The following CAPZA2 variants were observed in gnomAD, a reference collection of about 807,000 sequenced individuals.
The protein encoded by CAPZA2 is F-actin-capping protein subunit alpha-2.
CAPZA2 carries 13 observed loss-of-function variants against 44.0 expected under a neutral mutation model. The ratio of observed to expected loss-of-function variants is 0.30; its 90% CI spans 0.19 to 0.47. The LOEUF is 0.47. CAPZA2 is among the 20% of genes least tolerant of loss of function. The pLI, the probability that CAPZA2 is intolerant of heterozygous loss-of-function variation, is 1.00. For missense variants in CAPZA2, 244 were observed against 338.6 expected (o/e 0.72, Z 2.19); for synonymous variants, 94 against 108.2 (o/e 0.87, Z 0.81).
In CAPZA2 at chr7:116,918,677, T is replaced by A. The variant is rs1263724959; in HGVS notation, c.*810T>A. On this transcript the variant is annotated 3_prime_UTR_variant, in exon 10 of 10. Coordinates refer to ENST00000361183, the MANE Select transcript of CAPZA2 (RefSeq NM_006136.3). ...ACCATGTCTCGGTTTATTTTTTTTTTCTTGGATTGAAAAGTACTGAAATTC... is the reference window on the plus strand; with the variant it reads ...ACCATGTCTCGGTTTATTTTTTTTTACTTGGATTGAAAAGTACTGAAATTC... 1 of 152,406 alleles carries A rather than the reference T, an allele frequency of 6.6e-6. No homozygotes were observed. Among genetic ancestry groups the A allele is most frequent in the Non-Finnish European group, 1.5e-5 (1 of 68,022 alleles). The allele number at this position is 152,406 out of a possible 1,614,324, so 9.4% of individuals were successfully genotyped here. A position where few individuals can be genotyped will look rare whatever the true frequency, so the allele number is the denominator to read the frequency against.
rs377688521 is a variant in CAPZA2, at chr7:116,888,108, A to G, written c.40-19A>G. The G allele has an allele frequency of 1.3e-6, 2 of 1,580,306 alleles. No individual in the cohort carries two copies. The highest frequency in any genetic ancestry group is 2.7e-5 in the African/African-American group (2 of 74,202). ...GAAGCCTGTGATATGGAACATTTAT[A>G]TCTTTCTTTCTGTTTCAGGTGCGTA... On this transcript the variant is annotated intron_variant, in intron 1 of 9. Transcript: ENST00000361183.
chr7:116,909,507 C>A lies in CAPZA2; in HGVS notation c.507-726C>A, dbSNP rs566667329. 3.3e-5 allele frequency among the ~76,000 whole-genome samples: 5 copies of A among 151,550 alleles called. No individual in the cohort carries two copies. In the East Asian group the frequency reaches 9.7e-4, roughly 29 times the overall value. The stretch of plus-strand genomic sequence containing the variant: ...CAAACCATGAATATGTATTTGTATA[C>A]CAAAAATCATTTCAGGAGCAGAGAA... On this transcript the variant is annotated intron_variant, in intron 6 of 9. Transcript: ENST00000361183.
intron 2 of CAPZA2, 42 bp from the exon 3 acceptor site, chr7:116,892,952 A>G: frequency 7.2e-7 from 1 of 1,397,350 alleles, no homozygotes; most frequent in East Asian, 2.3e-5. Flanking sequence ...CATTCTTGAA[A>G]CATATAACAA....
chr7:116,889,446 G>T (rs1796803054), intron 2 of CAPZA2, among the ~76,000 whole-genome samples: 1 of 151,702 alleles, frequency 6.6e-6, no homozygotes, highest in Admixed American at 6.6e-5. Flanking sequence ...ATAGGACTGG[G>T]CACTGTGGCT....
chr7:116,884,971 A>G (rs549967477), intron 1 of CAPZA2, among the ~76,000 whole-genome samples: 16 of 152,260 alleles, frequency 1.1e-4, no homozygotes, highest in East Asian at 3.9e-4. Flanking sequence ...CGTGATTTCA[A>G]TATTCATTTC....
chr7:116,863,102 G>T (rs955073295), intron 1 of CAPZA2, among the ~76,000 whole-genome samples: 1 of 152,194 alleles, frequency 6.6e-6, no homozygotes, highest in Non-Finnish European at 1.5e-5. Flanking sequence ...GTGTAGCGGC[G>T]GGTGAGGGGA....
At chr7:116,879,469 G>A (rs1004981928) in intron 1 of CAPZA2, among the ~76,000 whole-genome samples, 2 of 152,180 alleles carry the variant, frequency 1.3e-5, no homozygotes, top group Admixed American at 1.3e-4. Flanking sequence ...TTCCACAGGG[G>A]ATAGCGGGGT....
chr7:116,914,474 T>C (rs1417690079), intron 8 of CAPZA2, among the ~76,000 whole-genome samples: 1 of 142,968 alleles, frequency 7.0e-6, no homozygotes, highest in East Asian at 2.1e-4. Flanking sequence ...CACACACGTA[T>C]TTTTTTGAGA....
Position 116,892,978 on chromosome 7 carries a change from C to T in CAPZA2, c.104-16C>T, listed in dbSNP as rs778897327. On this transcript the variant is annotated splice_polypyrimidine_tract_variant and intron_variant, in intron 2 of 9. Transcript: ENST00000361183. ...CATATAACAATAATAATGTAGATAA[C>T]ATAATTGTTTTGCAGATGTTCGGTT... The T allele has an allele frequency of 1.9e-6, 3 of 1,563,386 alleles. No homozygotes were observed. The highest frequency in any genetic ancestry group is 1.1e-5 in the South Asian group (1 of 87,790).
At chr7:116,911,500 T>C (rs959951738) in intron 7 of CAPZA2, among the ~76,000 whole-genome samples, 1 of 152,174 alleles carries the variant, frequency 6.6e-6, no homozygotes, top group African/African-American at 2.4e-5. Context: ...TCTAGTCCTC[T>C]CTGAAATATA....
At chr7:116,903,462 G>GT (rs972118286) in intron 4 of CAPZA2, among the ~76,000 whole-genome samples, 2 of 152,112 alleles carry the variant, frequency 1.3e-5, no homozygotes, top group African/African-American at 4.8e-5. Context: ...TATATCCTGT[G>GT]TTGTTAGCAT....
At chr7:116,874,094 ATCAC>A in intron 1 of CAPZA2, 1 of 153,560 alleles carries the variant, frequency 6.5e-6, no homozygotes, top group East Asian at 1.9e-4. Context: ...TTTCTGAGAT[ATCAC>A]TCAAGGCCAA....
At chr7:116,884,328 T>G (rs1796734917) in intron 1 of CAPZA2, among the ~76,000 whole-genome samples, 2 of 152,114 alleles carry the variant, frequency 1.3e-5, no homozygotes, top group Non-Finnish European at 2.9e-5. Flanking sequence ...ACTACCAAAA[T>G]CTAGATACAT....
chr7:116,893,130 G>T (rs542321922), intron 3 of CAPZA2, 85 bp downstream of exon 3: 141 of 878,094 alleles, frequency 1.6e-4, no homozygotes, highest in Non-Finnish European at 2.3e-4. Flanking sequence ...GTTTTTTGTG[G>T]GTTTTTTTGT....
At chr7:116,875,212 G>A (rs996590761) in intron 1 of CAPZA2, 1 of 149,972 alleles carries the variant, frequency 6.7e-6, no homozygotes, top group African/African-American at 2.5e-5. Flanking sequence ...TCAGAGTCTT[G>A]TAGGGATTCC....
intron 1 of CAPZA2, among the ~76,000 whole-genome samples, chr7:116,870,889 T>G (rs968842764): frequency 6.6e-6 from 1 of 152,152 alleles, no homozygotes; most frequent in Non-Finnish European, 1.5e-5. Context: ...GTACCACTAG[T>G]AACAACTGGA....
At chr7:116,906,368 G>T in intron 6 of CAPZA2, 26 bp downstream of exon 6, 1 of 1,608,544 alleles carries the variant, frequency 6.2e-7, no homozygotes. Flanking sequence ...GGATATTGGG[G>T]AGTTTTGGCA....
intron 4 of CAPZA2, among the ~76,000 whole-genome samples, chr7:116,901,638 C>G (rs1796995541): frequency 6.6e-6 from 1 of 152,070 alleles, no homozygotes. Flanking sequence ...AATAAACCTG[C>G]ACATGTACCC....
chr7:116,868,431 A>G (rs550730826), intron 1 of CAPZA2, among the ~76,000 whole-genome samples: 2 of 152,260 alleles, frequency 1.3e-5, no homozygotes, highest in Non-Finnish European at 2.9e-5. Context: ...TATTAATGTA[A>G]AATTAGAAAT....
Sources: allele counts gnomAD v4.1 joint callset (sites outside exome capture counted in the v4.1 genomes callset), GRCh38; gene constraint gnomAD v4.1.1; transcripts MANE v1.5; gene names NCBI Gene and HGNC (gene_info 2026-07-23, HGNC 2026-07-21).